The following GPR158 variants were observed in gnomAD, a reference collection of about 807,000 sequenced individuals.
GPR158 encodes the protein G protein-coupled receptor 158.
A neutral mutation model predicts 78.2 loss-of-function variants in GPR158; 30 were observed. That is an observed-to-expected ratio of 0.38 (90% CI 0.29 to 0.52). The LOEUF is 0.52. GPR158 is among the 20% of genes least tolerant of loss of function. GPR158 has a pLI of 0.83. For synonymous variants in GPR158, 581 were observed against 591.1 expected (o/e 0.98, Z 0.25); for missense variants, 1,463 against 1,523.5 (o/e 0.96, Z 0.66).
intron 2 of GPR158, among the ~76,000 whole-genome samples, chr10:25,258,179 C>T (rs1215078604): frequency 6.6e-6 from 1 of 152,196 alleles, no homozygotes; most frequent in Non-Finnish European, 1.5e-5. Context: ...CAATCTTAAA[C>T]TAAGTGTAAG....
At chr10:25,311,220 GA>G (rs1020585679) in intron 2 of GPR158, among the ~76,000 whole-genome samples, 16 of 139,604 alleles carry the variant, frequency 1.1e-4, no homozygotes, top group Non-Finnish European at 1.6e-4. Context: ...AAAACTTTTT[GA>G]TTTTTTTTGG....
At chr10:25,268,756 A>G (rs1361237602) in intron 2 of GPR158, among the ~76,000 whole-genome samples, 2 of 152,168 alleles carry the variant, frequency 1.3e-5, no homozygotes, top group African/African-American at 2.4e-5. Context: ...TCATGCAGTA[A>G]CCAAGCTGCC....
chr10:25,408,806 G>A (rs1026060766), intron 3 of GPR158, among the ~76,000 whole-genome samples: 1 of 152,026 alleles, frequency 6.6e-6, no homozygotes, highest in African/African-American at 2.4e-5. Flanking sequence ...ACCATGTCCT[G>A]AAGGTTTTGA....
chr10:25,540,960 A>T (rs1472471830), intron 5 of GPR158, among the ~76,000 whole-genome samples: 1 of 146,812 alleles, frequency 6.8e-6, no homozygotes, highest in Non-Finnish European at 1.5e-5. Context: ...ATATATATAT[A>T]TATATATATA....
chr10:25,539,004 G>A (rs1246612819), intron 5 of GPR158, among the ~76,000 whole-genome samples: 1 of 152,152 alleles, frequency 6.6e-6, no homozygotes, highest in African/African-American at 2.4e-5. Flanking sequence ...GGAAAACCGA[G>A]ACCAGGGAGG....
chr10:25,341,663 T>G (rs1273613310), intron 2 of GPR158, among the ~76,000 whole-genome samples: 2 of 152,054 alleles, frequency 1.3e-5, no homozygotes, highest in East Asian at 3.9e-4. Flanking sequence ...ATTATCTTTT[T>G]GGCATAAGCA....
At chr10:25,206,161 A>AT (rs540629006) in intron 1 of GPR158, among the ~76,000 whole-genome samples, 17 of 151,494 alleles carry the variant, frequency 1.1e-4, no homozygotes, top group African/African-American at 2.2e-4. Flanking sequence ...AATTTTTTGT[A>AT]TTTTTTTAGT....
At chr10:25,465,244 A>G (rs751771508) in intron 4 of GPR158, among the ~76,000 whole-genome samples, 2 of 152,186 alleles carry the variant, frequency 1.3e-5, no homozygotes, top group Non-Finnish European at 2.9e-5. Context: ...TCCTGTTAAG[A>G]TATTTACACC....
At chr10:25,318,504 T>C (rs934612441) in intron 2 of GPR158, among the ~76,000 whole-genome samples, 2 of 152,130 alleles carry the variant, frequency 1.3e-5, no homozygotes, top group Admixed American at 1.3e-4. Context: ...TTCCGTACAG[T>C]TTTTGTGGAT....
At chr10:25,574,820 G>A (rs2130734111) in intron 7 of GPR158, among the ~76,000 whole-genome samples, 1 of 152,268 alleles carries the variant, frequency 6.6e-6, no homozygotes, top group Admixed American at 6.5e-5. Context: ...AAGAGGCGGA[G>A]GTCGCAGTAA....
intron 2 of GPR158, among the ~76,000 whole-genome samples, chr10:25,243,370 T>A (rs902260898): frequency 6.6e-6 from 1 of 152,224 alleles, no homozygotes; most frequent in African/African-American, 2.4e-5. Context: ...TTCAGCTTGG[T>A]CTTTAATCAT....
At chr10:25,537,576 A>G (rs994938360) in intron 5 of GPR158, among the ~76,000 whole-genome samples, 22 of 152,160 alleles carry the variant, frequency 1.4e-4, no homozygotes, top group African/African-American at 4.1e-4. Flanking sequence ...ATATATTTAT[A>G]TTATTGAAAA....
At chr10:25,312,882 C>T (rs185409740) in intron 2 of GPR158, among the ~76,000 whole-genome samples, 322 of 152,006 alleles carry the variant, frequency 2.1e-3, no homozygotes, top group Non-Finnish European at 3.6e-3. Flanking sequence ...AATGCTAAGA[C>T]GCCAGCAAAA....
At chr10:25,469,480 A>G (rs773189785) in intron 5 of GPR158, among the ~76,000 whole-genome samples, 11 of 152,062 alleles carry the variant, frequency 7.2e-5, no homozygotes, top group Non-Finnish European at 1.2e-4. Flanking sequence ...ATATTAGAAA[A>G]CCTTTTAAAA....
intron 1 of GPR158, among the ~76,000 whole-genome samples, chr10:25,185,094 T>G (rs1401361600): frequency 1.6e-4 from 24 of 152,192 alleles, no homozygotes; most frequent in Admixed American, 1.2e-3. Flanking sequence ...CTGCAGACAT[T>G]GCCAAATATC....
chr10:25,481,207 C>A (rs992875148), intron 5 of GPR158, among the ~76,000 whole-genome samples: 1 of 117,818 alleles, frequency 8.5e-6, no homozygotes, highest in African/African-American at 2.7e-5. Flanking sequence ...TTTACTGGGG[C>A]ACAGAGTGTC....
At chr10:25,520,672 C>T (rs1187752658) in intron 5 of GPR158, among the ~76,000 whole-genome samples, 3 of 151,860 alleles carry the variant, frequency 2.0e-5, no homozygotes, top group Non-Finnish European at 4.4e-5. Context: ...GGGTGCCTCC[C>T]AGTTAGGCTG....
chr10:25,235,798 G>A (rs1379793628), intron 2 of GPR158, among the ~76,000 whole-genome samples: 1 of 148,946 alleles, frequency 6.7e-6, no homozygotes, highest in Non-Finnish European at 1.5e-5. Flanking sequence ...CCGGGTTCAC[G>A]CCATTCTCCT....
At chr10:25,551,584 A>T (rs1836725729) in intron 6 of GPR158, among the ~76,000 whole-genome samples, 1 of 152,176 alleles carries the variant, frequency 6.6e-6, no homozygotes, top group Admixed American at 6.5e-5. Context: ...TGCTTCAGTG[A>T]TTATCAGCCT....
Sources: gnomAD v4.1 joint callset for allele counts (sites outside exome capture counted in the v4.1 genomes callset) on GRCh38, gnomAD v4.1.1 for gene constraint, MANE v1.5 for transcripts, NCBI Gene and HGNC (gene_info 2026-07-23, HGNC 2026-07-21) for gene names.